The following PCDH11X variants were observed in gnomAD, a reference collection of about 807,000 sequenced individuals.
PCDH11X encodes the protein protocadherin-11 X-linked.
In PCDH11X, 18 loss-of-function variants were observed where a neutral mutation model predicts 53.3. The observed-to-expected ratio is 0.34, with a 90% CI of 0.23 to 0.50. The LOEUF is 0.50. Among genes scored for constraint, PCDH11X ranks in the 20% least tolerant of loss-of-function variants. PCDH11X has a pLI of 0.98. For synonymous variants in PCDH11X, 279 were observed against 393.3 expected (o/e 0.71, Z 3.44); for missense variants, 570 against 1,032.4 (o/e 0.55, Z 6.14).
chrX:92,074,904 A>G (rs368427719), intron 6 of PCDH11X, among the ~76,000 whole-genome samples: 4 of 110,795 alleles, frequency 3.6e-5, no homozygotes, highest in East Asian at 2.9e-4. Flanking sequence ...TCAAAATTCT[A>G]TCTATCGTGG....
At chrX:92,392,855 T>G (rs773321562) in intron 9 of PCDH11X, among the ~76,000 whole-genome samples, 1,461 of 107,076 alleles carry the variant, frequency 0.014, 26 homozygotes, top group African/African-American at 0.047. Context: ...GATCTAATTA[T>G]TTATCTAAAA....
At chrX:92,420,510 C>T (rs753569219) in intron 9 of PCDH11X, 3 of 353,810 alleles carry the variant, frequency 8.5e-6, no homozygotes, top group South Asian at 2.7e-5. Context: ...CCTTCATCTA[C>T]GAATGCCTTT....
At chrX:92,468,105 A>C (rs564342137) in intron 9 of PCDH11X, 194 bp from the exon 10 acceptor site, 2 of 382,127 alleles carry the variant, frequency 5.2e-6, no homozygotes, top group South Asian at 1.3e-4. Flanking sequence ...CAATTCTATA[A>C]AAATGTATTA....
chrX:91,958,540 G>T (rs183254504), intron 6 of PCDH11X, among the ~76,000 whole-genome samples: 20 of 110,822 alleles, frequency 1.8e-4, no homozygotes, highest in African/African-American at 6.0e-4. Flanking sequence ...TTTTTCAGGT[G>T]GGGTTGCGCA....
intron 6 of PCDH11X, among the ~76,000 whole-genome samples, chrX:91,985,901 CT>C (rs1456113941): frequency 9.8e-6 from 1 of 101,766 alleles, no homozygotes; most frequent in Admixed American, 1.1e-4. Context: ...TAAAATGCAT[CT>C]TTTTTTAAAG....
At chrX:92,267,142 A>G (rs1034607363) in intron 8 of PCDH11X, among the ~76,000 whole-genome samples, 2 of 112,132 alleles carry the variant, frequency 1.8e-5, no homozygotes, top group Non-Finnish European at 3.8e-5. Flanking sequence ...TTTTTATTCA[A>G]TCTACCAGCT....
At chrX:92,461,523 TGACCC>T (rs1164647900) in intron 9 of PCDH11X, among the ~76,000 whole-genome samples, 2 of 112,102 alleles carry the variant, frequency 1.8e-5, no homozygotes, top group Non-Finnish European at 3.8e-5. Context: ...GAATTAAACT[TGACCC>T]GTATCTCTTG....
chrX:91,957,015 C>T (rs1351287826), intron 6 of PCDH11X, among the ~76,000 whole-genome samples: 2 of 107,706 alleles, frequency 1.9e-5, no homozygotes, highest in Non-Finnish European at 3.8e-5. Flanking sequence ...AGCCTTCAAG[C>T]TCTGAGATTC....
chrX:92,520,714 A>G (rs1381379204), intron 10 of PCDH11X, among the ~76,000 whole-genome samples: 1 of 110,581 alleles, frequency 9.0e-6, no homozygotes, highest in East Asian at 2.8e-4. Flanking sequence ...GTTTGATAGC[A>G]TTTTACCCAT....
intron 6 of PCDH11X, among the ~76,000 whole-genome samples, chrX:92,052,072 C>T (rs1015221764): frequency 9.9e-5 from 11 of 110,781 alleles, no homozygotes; most frequent in African/African-American, 2.9e-4. Context: ...CCCTAATTTG[C>T]TCCTCAAATC....
chrX:92,102,172 A>G (rs1294227462), intron 6 of PCDH11X, among the ~76,000 whole-genome samples: 1 of 111,738 alleles, frequency 8.9e-6, no homozygotes. Flanking sequence ...GACTTAAGAA[A>G]GAGTGAGTAC....
intron 4 of PCDH11X, among the ~76,000 whole-genome samples, chrX:91,827,603 A>G (rs1400366942): frequency 9.2e-6 from 1 of 108,353 alleles, no homozygotes; most frequent in Admixed American, 1.0e-4. Context: ...TGGATATTTA[A>G]TTCATTTTGA....
intron 10 of PCDH11X, among the ~76,000 whole-genome samples, chrX:92,602,453 T>C (rs1926350037): frequency 8.9e-6 from 1 of 112,356 alleles, no homozygotes; most frequent in African/African-American, 3.2e-5. Flanking sequence ...GGGCTCAAAT[T>C]TGATTGTATC....
chrX:92,483,121 T>A (rs1413384785), intron 10 of PCDH11X, among the ~76,000 whole-genome samples: 1 of 111,650 alleles, frequency 9.0e-6, no homozygotes, highest in African/African-American at 3.3e-5. Context: ...TGAAGCCGTA[T>A]GACAAGACAT....
At chrX:91,825,324 G>A (rs1008319926) in intron 4 of PCDH11X, among the ~76,000 whole-genome samples, 2 of 110,919 alleles carry the variant, frequency 1.8e-5, no homozygotes, top group Non-Finnish European at 3.8e-5. Flanking sequence ...AGCAATCAGC[G>A]AGACTCCGTG....
intron 6 of PCDH11X, among the ~76,000 whole-genome samples, chrX:92,040,081 T>TCCC (rs962734482): frequency 1.9e-5 from 2 of 106,402 alleles, no homozygotes; most frequent in Non-Finnish European, 1.9e-5. Context: ...CAAGGCAAAG[T>TCCC]CCTCTTTACT....
chrX:92,368,677 T>G (rs1603291109), intron 8 of PCDH11X, among the ~76,000 whole-genome samples: 1 of 111,447 alleles, frequency 9.0e-6, no homozygotes, highest in Admixed American at 9.5e-5. Context: ...TGGATGGGGC[T>G]TTTGCGTGGG....
At chrX:92,345,239 C>T (rs912046159) in intron 8 of PCDH11X, among the ~76,000 whole-genome samples, 15 of 110,500 alleles carry the variant, frequency 1.4e-4, no homozygotes, top group African/African-American at 3.9e-4. Flanking sequence ...CAATTTGGTA[C>T]GTATTTTTTT....
chrX:91,800,928 C>T (rs1353356969), intron 1 of PCDH11X, among the ~76,000 whole-genome samples: 2 of 107,372 alleles, frequency 1.9e-5, no homozygotes, highest in Admixed American at 1.0e-4. Context: ...CCTGTAATCC[C>T]AGTATTTTGG....
Sources: allele counts gnomAD v4.1 joint callset (sites outside exome capture counted in the v4.1 genomes callset), GRCh38; gene constraint gnomAD v4.1.1; transcripts MANE v1.5; gene names NCBI Gene and HGNC (gene_info 2026-07-23, HGNC 2026-07-21).